Variants in ASTN2 observed in about 807,000 individuals in gnomAD.
ASTN2 encodes astrotactin 2.
A neutral mutation model predicts 139.8 loss-of-function variants in ASTN2; 54 were observed. The ratio of observed to expected loss-of-function variants is 0.39; its 90% CI spans 0.31 to 0.48. ASTN2 has a LOEUF of 0.48. Among genes scored for constraint, ASTN2 ranks in the 20% least tolerant of loss-of-function variants. The probability of loss-of-function intolerance (pLI) is 0.95; values close to 1 mark genes in which losing one functional copy is unlikely to be tolerated. For missense variants in ASTN2, 1,565 were observed against 1,725.1 expected (o/e 0.91, Z 1.64); for synonymous variants, 756 against 719.5 (o/e 1.05, Z -0.81).
At chr9:116,751,319 C>T (rs1018942170) in intron 13 of ASTN2, among the ~76,000 whole-genome samples, 8 of 152,142 alleles carry the variant, frequency 5.3e-5, no homozygotes, top group Admixed American at 5.2e-4. Context: ...GTTACTGTTA[C>T]TGTGGTTATT....
At chr9:117,182,664 G>A (rs1473033925) in intron 3 of ASTN2, among the ~76,000 whole-genome samples, 3 of 152,024 alleles carry the variant, frequency 2.0e-5, no homozygotes, top group Admixed American at 2.0e-4. Context: ...AATCACTTTC[G>A]GTGGTATATG....
At chr9:116,897,913 C>T (rs1265178266) in intron 10 of ASTN2, among the ~76,000 whole-genome samples, 2 of 152,052 alleles carry the variant, frequency 1.3e-5, no homozygotes, top group Non-Finnish European at 2.9e-5. Context: ...TGAGTGGCTA[C>T]TTTTGGGCAG....
At chr9:116,870,065 T>G (rs1402937444) in intron 10 of ASTN2, among the ~76,000 whole-genome samples, 1 of 151,888 alleles carries the variant, frequency 6.6e-6, no homozygotes, top group Non-Finnish European at 1.5e-5. Flanking sequence ...GGGTCAAGGA[T>G]TTCAGTAAGC....
intron 5 of ASTN2, among the ~76,000 whole-genome samples, chr9:117,093,843 C>T (rs546650205): frequency 6.6e-6 from 1 of 152,130 alleles, no homozygotes; most frequent in African/African-American, 2.4e-5. Flanking sequence ...CCCTGTGATC[C>T]TGCAAAAAGC....
intron 10 of ASTN2, among the ~76,000 whole-genome samples, chr9:116,929,504 C>T (rs952130329): frequency 2.0e-5 from 3 of 152,156 alleles, no homozygotes; most frequent in Non-Finnish European, 2.9e-5. Context: ...GCTCCAACCA[C>T]GAGGCACATT....
rs114365961 is a variant in ASTN2 at position 116,855,662 on chromosome 9, G to A, written c.2040+7921C>T. Among the ~76,000 whole-genome samples, 920 of 152,280 alleles carry A rather than the reference G, an allele frequency of 6.0e-3. 8 individuals are homozygous for A. The highest frequency in any genetic ancestry group is 0.021 in the African/African-American group (863 of 41,556). ...TAGGGAACTATTCTCAGCCTTGGGA[G>A]GGTGTCTTCTGATGAATTAAGAGAA... On this transcript the variant is annotated intron_variant, in intron 11 of 22. Transcript: ENST00000313400.
At chr9:116,770,344 C>T (rs1333057791) in intron 13 of ASTN2, among the ~76,000 whole-genome samples, 5 of 152,162 alleles carry the variant, frequency 3.3e-5, no homozygotes, top group Admixed American at 1.3e-4. Context: ...GTCCTTTCCT[C>T]ACCTACATCT....
At chr9:116,804,382 G>C (rs1290553760) in intron 13 of ASTN2, among the ~76,000 whole-genome samples, 1 of 151,994 alleles carries the variant, frequency 6.6e-6, no homozygotes, top group Non-Finnish European at 1.5e-5. Flanking sequence ...TAATAATGAA[G>C]CTAAAATGAA....
At chr9:117,023,966 A>G (rs1837973653) in intron 6 of ASTN2, among the ~76,000 whole-genome samples, 1 of 152,018 alleles carries the variant, frequency 6.6e-6, no homozygotes, top group South Asian at 2.1e-4. Flanking sequence ...GATCTTACTG[A>G]GGGTGCGAGG....
chr9:117,077,242 GT>G (rs1312030929), intron 5 of ASTN2, among the ~76,000 whole-genome samples: 1 of 152,144 alleles, frequency 6.6e-6, no homozygotes, highest in African/African-American at 2.4e-5. Context: ...ACAGAGAGGA[GT>G]TTTGGCGCGA....
intron 16 of ASTN2, among the ~76,000 whole-genome samples, chr9:116,671,065 T>C (rs1320713905): frequency 1.3e-5 from 2 of 152,198 alleles, no homozygotes; most frequent in African/African-American, 4.8e-5. Context: ...GTCTGTCAAC[T>C]CTTAGGTAGG....
At chr9:117,296,346 T>G (rs1834737939) in intron 1 of ASTN2, among the ~76,000 whole-genome samples, 3 of 147,938 alleles carry the variant, frequency 2.0e-5, no homozygotes, top group African/African-American at 7.5e-5. Flanking sequence ...ACACACAGAG[T>G]TAAGGGCTTT....
intron 17 of ASTN2, among the ~76,000 whole-genome samples, chr9:116,629,496 G>C (rs967840270): frequency 3.3e-5 from 5 of 152,128 alleles, no homozygotes; most frequent in Admixed American, 1.3e-4. Flanking sequence ...CAACACAGTA[G>C]GGCAGAGGGT....
At chr9:116,436,062 T>C (rs927375688) in intron 22 of ASTN2, among the ~76,000 whole-genome samples, 3 of 152,190 alleles carry the variant, frequency 2.0e-5, no homozygotes, top group South Asian at 2.1e-4. Flanking sequence ...ATGCTGAACC[T>C]TGTAAAGGCA....
chr9:117,003,956 G>A (rs1588473026), intron 7 of ASTN2, among the ~76,000 whole-genome samples: 3 of 106,406 alleles, frequency 2.8e-5, no homozygotes, highest in East Asian at 7.6e-4. Context: ...GCGCGCGCGT[G>A]TGTGTGTGTG....
intron 13 of ASTN2, among the ~76,000 whole-genome samples, chr9:116,795,823 C>A (rs1250910252): frequency 6.6e-6 from 1 of 152,174 alleles, no homozygotes; most frequent in Non-Finnish European, 1.5e-5. Context: ...GCTTATTTGC[C>A]TGTTAAATCC....
chr9:117,401,778 G>A (rs1203976828), intron 1 of ASTN2, among the ~76,000 whole-genome samples: 3 of 152,176 alleles, frequency 2.0e-5, no homozygotes, highest in Non-Finnish European at 2.9e-5. Flanking sequence ...TATAGGTACT[G>A]ACATCTGAAT....
intron 5 of ASTN2, among the ~76,000 whole-genome samples, chr9:117,081,881 A>G (rs1174090078): frequency 3.3e-5 from 5 of 152,236 alleles, no homozygotes; most frequent in African/African-American, 9.6e-5. Context: ...AATTCTGCCA[A>G]CAACCACATA....
At chr9:116,907,049 T>A (rs1834180236) in intron 10 of ASTN2, among the ~76,000 whole-genome samples, 2 of 152,352 alleles carry the variant, frequency 1.3e-5, no homozygotes, top group South Asian at 2.1e-4. Flanking sequence ...TTTTCTCATC[T>A]GACTCTCAGA....
Sources: gnomAD v4.1 joint callset for allele counts (sites outside exome capture counted in the v4.1 genomes callset) on GRCh38, gnomAD v4.1.1 for gene constraint, MANE v1.5 for transcripts, NCBI Gene and HGNC (gene_info 2026-07-23, HGNC 2026-07-21) for gene names.